The following HEATR4 variants were observed in gnomAD, a reference collection of about 807,000 sequenced individuals.
HEATR4 encodes HEAT repeat containing 4, also known as HEAT repeat-containing protein 4.
A neutral mutation model predicts 108.8 loss-of-function variants in HEATR4; 95 were observed. The observed-to-expected ratio is 0.87, with a 90% CI of 0.74 to 1.04. The LOEUF (loss-of-function observed/expected upper bound fraction) is 1.04, where lower values mean the gene tolerates loss of function less well. Ranked by LOEUF, HEATR4 falls within the 50% of genes least tolerant of loss-of-function variation. The pLI is 0.00. For synonymous variants in HEATR4, 443 were observed against 459.4 expected (o/e 0.96, Z 0.46); for missense variants, 1,152 against 1,253.8 (o/e 0.92, Z 1.23).
At chr14:73,512,408 TG>T (rs1405693457) in intron 6 of HEATR4, among the ~76,000 whole-genome samples, 1 of 152,212 alleles carries the variant, frequency 6.6e-6, no homozygotes, top group Non-Finnish European at 1.5e-5. Flanking sequence ...CACTTTTCGT[TG>T]TAACCATCTG....
chr14:73,528,842 C>T (rs755915351), intron 2 of HEATR4: 10 of 152,036 alleles, frequency 6.6e-5, no homozygotes, highest in African/African-American at 1.2e-4. Flanking sequence ...CTGAGCGCTT[C>T]GGGAAGAATT....
At chr14:73,590,073 C>T in the HEATR4 span, among the ~76,000 whole-genome samples, 5 of 152,284 alleles carry the variant, frequency 3.3e-5, no homozygotes, top group East Asian at 9.6e-4. Flanking sequence ...TAGAACAAAC[C>T]TTCCCGCAAC....
rs369689703 is a variant in HEATR4, at chr14:73,520,891, A to G, written c.1030T>C (p.Tyr344His). 3 of 1,613,988 alleles carry G rather than the reference A, an allele frequency of 1.9e-6. No homozygotes were observed. The highest frequency in any genetic ancestry group is 1.7e-5 in the Admixed American group (1 of 59,970). The change falls in exon 4 of 18, where the codon TAC becomes CAC. Residue 344 changes from tyrosine (Y) to histidine (H), a missense_variant. Coordinates refer to ENST00000553558, the MANE Select transcript of HEATR4 (RefSeq NM_001220484.1). ...QVTPRAGKFA[Y>H]STDNTFEQEI... ...TGTTCAAAGGTGTTGTCTGTGGAGT[A>G]GGCAAACTTTCCAGCTCGGGGAGTC...
At chr14:73,500,755 T>C in intron 11 of HEATR4, 25 bp from the exon 12 acceptor site, 1 of 1,606,144 alleles carries the variant, frequency 6.2e-7, no homozygotes, top group Non-Finnish European at 8.5e-7. Context: ...TTGCTTTCCT[T>C]TCACCTCCTT....
At position 73,532,336 on chromosome 14, in the gene HEATR4, A is replaced by G. The variant is rs1272776403; in HGVS notation, c.-151-2092T>C. ...CATTAACACTAGCTTTTACAAGGAG[A>G]CTCTTCAATCTTGTATTTCTAGTAG... On this transcript the variant is annotated intron_variant, in intron 1 of 17. Transcript: ENST00000553558. Among the ~76,000 whole-genome samples the G allele has an allele frequency of 5.2e-5, 6 of 115,472 alleles. 1 individual carries two copies. Among genetic ancestry groups the G allele is most frequent in the African/African-American group, 1.4e-4 (5 of 35,480 alleles). The allele number at this position is 115,472 out of a possible 152,430, so 75.8% of individuals were successfully genotyped here.
chr14:73,617,974 A>G, the HEATR4 span, among the ~76,000 whole-genome samples: 1 of 151,436 alleles, frequency 6.6e-6, no homozygotes, highest in Non-Finnish European at 1.5e-5. Context: ...GTGAAACCCC[A>G]TCTACTAAAG....
chr14:73,521,412 G>A (rs190359226), intron 3 of HEATR4, among the ~76,000 whole-genome samples: 181 of 152,318 alleles, frequency 1.2e-3, no homozygotes, highest in African/African-American at 4.1e-3. Flanking sequence ...TATTCTGTGT[G>A]TGGTTATTTA....
Position 73,520,841 on chromosome 14 carries a change from A to C in HEATR4, c.1069+11T>G. 1.2e-6 allele frequency: 2 copies of C among 1,611,446 alleles called. No individual in the cohort carries two copies. Among genetic ancestry groups the C allele is most frequent in the Non-Finnish European group, 1.7e-6 (2 of 1,178,340 alleles). On this transcript the variant is annotated intron_variant, in intron 4 of 17. Transcript: ENST00000553558. Reference sequence around the variant, plus strand: ...CCGTGTGCCCCTACCACAGGGGCCCAGCTCTATTACCAAAGTAAATCTCCT... The same window carrying C: ...CCGTGTGCCCCTACCACAGGGGCCCCGCTCTATTACCAAAGTAAATCTCCT...
chr14:73,560,136 C>T (rs946756925), upstream of HEATR4, among the ~76,000 whole-genome samples: 9 of 152,130 alleles, frequency 5.9e-5, no homozygotes, highest in African/African-American at 2.2e-4. Context: ...AAATTCTGAT[C>T]TTCAAGAGTC....
the HEATR4 span, among the ~76,000 whole-genome samples, chr14:73,628,561 C>G: frequency 1.3e-5 from 2 of 152,158 alleles, no homozygotes; most frequent in African/African-American, 2.4e-5. Context: ...TGAGACCAGC[C>G]TGACCAACAT....
the HEATR4 span, among the ~76,000 whole-genome samples, chr14:73,608,829 A>C: frequency 1.3e-5 from 2 of 152,206 alleles, no homozygotes; most frequent in Non-Finnish European, 2.9e-5. Context: ...AGCATGGCTG[A>C]GGAGGCCTCA....
At position 73,536,459 on chromosome 14, in the gene HEATR4, G is replaced by A. The variant is rs1169581652; in HGVS notation, c.-151-6215C>T. ...GGAGTTTGAGGCTTGTAAGTGCGCA[G>A]TGATGGTAAACCGCCGCTGTACTCC... is the stretch of plus-strand genomic sequence containing the variant. On this transcript the variant is annotated intron_variant, in intron 1 of 17. Coordinates refer to ENST00000553558, the MANE Select transcript of HEATR4 (RefSeq NM_001220484.1). 3.0e-5 allele frequency among the ~76,000 whole-genome samples: 3 copies of A among 100,386 alleles called. 1 individual carries two copies. The highest frequency in any genetic ancestry group is 6.2e-5 in the Non-Finnish European group (3 of 48,200). The allele number at this position is 100,386 out of a possible 152,430, so 65.9% of individuals were successfully genotyped here.
the HEATR4 span, chr14:73,569,962 A>G: frequency 3.4e-6 from 5 of 1,489,238 alleles, no homozygotes; most frequent in African/African-American, 4.3e-5. Flanking sequence ...CTTTTCGCTT[A>G]TGTGTATGCC....
At chr14:73,482,792 G>A (rs1460596413) in intron 17 of HEATR4, among the ~76,000 whole-genome samples, 1 of 152,112 alleles carries the variant, frequency 6.6e-6, no homozygotes, top group African/African-American at 2.4e-5. Context: ...CCAAGTAGCT[G>A]AGATTACAGG....
the HEATR4 span, among the ~76,000 whole-genome samples, chr14:73,570,294 G>A: frequency 6.6e-6 from 1 of 151,926 alleles, no homozygotes; most frequent in East Asian, 1.9e-4. Flanking sequence ...TAAGGGCCAG[G>A]CGCAGTGGCT....
chr14:73,625,771 G>A, the HEATR4 span, among the ~76,000 whole-genome samples: 9 of 152,198 alleles, frequency 5.9e-5, no homozygotes, highest in Non-Finnish European at 1.2e-4. Context: ...TAAATGTTGT[G>A]TGTGTTCTGA....
intron 17 of HEATR4, among the ~76,000 whole-genome samples, chr14:73,490,480 A>G (rs1334488430): frequency 2.0e-5 from 3 of 152,048 alleles, no homozygotes; most frequent in African/African-American, 7.2e-5. Flanking sequence ...ACGTCCGGCT[A>G]GTTTTTTGTA....
At chr14:73,512,548 AT>A (rs1417490266) in intron 6 of HEATR4, among the ~76,000 whole-genome samples, 11 of 152,162 alleles carry the variant, frequency 7.2e-5, no homozygotes, top group African/African-American at 2.4e-4. Context: ...GAGATTTCTT[AT>A]TTGTAATACA....
At chr14:73,605,197 A>G in the HEATR4 span, among the ~76,000 whole-genome samples, 1 of 152,166 alleles carries the variant, frequency 6.6e-6, no homozygotes, top group Non-Finnish European at 1.5e-5. Context: ...TCCACTTTCA[A>G]TTAAGCTGAC....
Sources: gnomAD v4.1 joint callset for allele counts (sites outside exome capture counted in the v4.1 genomes callset) on GRCh38, gnomAD v4.1.1 for gene constraint, MANE v1.5 for transcripts, NCBI Gene and HGNC (gene_info 2026-07-23, HGNC 2026-07-21) for gene names.